Variants in LYPLAL1 observed in about 807,000 individuals in gnomAD.
LYPLAL1 encodes the protein lysophospholipase-like protein 1.
A neutral mutation model predicts 19.7 loss-of-function variants in LYPLAL1; 23 were observed. The observed-to-expected ratio is 1.17, with a 90% CI of 0.84 to 1.65. The LOEUF (loss-of-function observed/expected upper bound fraction) is 1.65. Ranked by LOEUF, LYPLAL1 falls within the 40% of genes most tolerant of loss-of-function variation. The pLI is 0.00. For missense variants in LYPLAL1, 355 were observed against 279.4 expected, an observed-to-expected ratio of 1.27 and a Z score of -1.93; for synonymous variants, 119 against 96.3, an observed-to-expected ratio of 1.24 and a Z score of -1.38.
the LYPLAL1 span, among the ~76,000 whole-genome samples, chr1:219,229,320 A>AGAGAGAGAGAGAGAGAGAGAGAG: frequency 6.7e-6 from 1 of 149,728 alleles, no homozygotes; most frequent in African/African-American, 2.5e-5. Flanking sequence ...AGAGAGAGAG[A>AGAGAGAGAGAGAGAGAGAGAGAG]GAGAGAGAGA....
the LYPLAL1 span, among the ~76,000 whole-genome samples, chr1:219,417,384 A>G: frequency 1.3e-5 from 2 of 152,316 alleles, no homozygotes; most frequent in African/African-American, 4.8e-5. Context: ...TAAAGCTGCA[A>G]ATAGTTTTTT....
chr1:219,414,910 G>T, the LYPLAL1 span, among the ~76,000 whole-genome samples: 1 of 152,152 alleles, frequency 6.6e-6, no homozygotes, highest in African/African-American at 2.4e-5. Context: ...AAACCAGGGG[G>T]ACCCAGAATT....
chr1:219,294,200 A>G, the LYPLAL1 span, among the ~76,000 whole-genome samples: 2 of 152,198 alleles, frequency 1.3e-5, no homozygotes, highest in African/African-American at 2.4e-5. Context: ...GAGAGGGCAA[A>G]CAAATAACAT....
the LYPLAL1 span, among the ~76,000 whole-genome samples, chr1:219,399,564 A>G: frequency 4.5e-3 from 680 of 152,272 alleles, 9 homozygotes; most frequent in African/African-American, 0.015. Context: ...GGGGCCCAGC[A>G]AAGCTGCAGT....
At chr1:219,252,849 G>C in the LYPLAL1 span, among the ~76,000 whole-genome samples, 1 of 152,066 alleles carries the variant, frequency 6.6e-6, no homozygotes, top group East Asian at 1.9e-4. Context: ...AACGGTTTCT[G>C]TAGGAAGGGT....
the LYPLAL1 span, among the ~76,000 whole-genome samples, chr1:219,360,758 A>G: frequency 6.6e-6 from 1 of 152,102 alleles, no homozygotes; most frequent in African/African-American, 2.4e-5. Context: ...ACCTCTTCCC[A>G]TGAAGGCATA....
chr1:219,369,352 A>G, the LYPLAL1 span, among the ~76,000 whole-genome samples: 2 of 152,160 alleles, frequency 1.3e-5, no homozygotes, highest in African/African-American at 4.8e-5. Context: ...GCTCACTGCA[A>G]CCTCCACCTC....
At chr1:219,401,921 C>A in the LYPLAL1 span, among the ~76,000 whole-genome samples, 2 of 152,220 alleles carry the variant, frequency 1.3e-5, no homozygotes, top group Non-Finnish European at 2.9e-5. Flanking sequence ...GACAAATGCC[C>A]AGGTTGGTCA....
the LYPLAL1 span, among the ~76,000 whole-genome samples, chr1:219,391,475 T>C: frequency 2.6e-5 from 4 of 152,212 alleles, no homozygotes; most frequent in African/African-American, 9.7e-5. Context: ...GAAGATTGTG[T>C]CTTCACACCT....
At chr1:219,324,992 A>G in the LYPLAL1 span, among the ~76,000 whole-genome samples, 575 of 152,324 alleles carry the variant, frequency 3.8e-3, 4 homozygotes, top group African/African-American at 0.013. Flanking sequence ...GTGTTCCCAA[A>G]TACACCAACC....
At chr1:219,390,718 C>A in the LYPLAL1 span, among the ~76,000 whole-genome samples, 3 of 152,100 alleles carry the variant, frequency 2.0e-5, no homozygotes, top group Non-Finnish European at 4.4e-5. Flanking sequence ...ACCATCTGGC[C>A]CTTTTCTTGA....
chr1:219,358,211 A>G, the LYPLAL1 span, among the ~76,000 whole-genome samples: 1 of 152,188 alleles, frequency 6.6e-6, no homozygotes, highest in Admixed American at 6.5e-5. Flanking sequence ...ATGCTACAAA[A>G]TCTTCTAACT....
the LYPLAL1 span, among the ~76,000 whole-genome samples, chr1:219,417,211 G>A: frequency 2.0e-5 from 3 of 151,248 alleles, no homozygotes; most frequent in Non-Finnish European, 4.4e-5. Context: ...GGAATTCATT[G>A]GTATAGGAAA....
the LYPLAL1 span, among the ~76,000 whole-genome samples, chr1:219,419,992 T>G: frequency 6.6e-6 from 1 of 152,342 alleles, no homozygotes; most frequent in African/African-American, 2.4e-5. Context: ...CAGGTCCCCT[T>G]GCTTGGGAAA....
the LYPLAL1 span, among the ~76,000 whole-genome samples, chr1:219,399,472 G>A: frequency 6.6e-6 from 1 of 152,186 alleles, no homozygotes; most frequent in African/African-American, 2.4e-5. Context: ...GCAGGTCAGG[G>A]TGCATCCAGT....
chr1:219,330,131 T>TA, the LYPLAL1 span, among the ~76,000 whole-genome samples: 7 of 152,130 alleles, frequency 4.6e-5, no homozygotes, highest in South Asian at 6.2e-4. Context: ...GACAAAGTCC[T>TA]AAAAAAAATT....
At chr1:219,215,451 G>A (rs776727433), downstream of LYPLAL1, among the ~76,000 whole-genome samples, 84 of 152,016 alleles carry the variant, frequency 5.5e-4, no homozygotes, top group Middle Eastern at 3.4e-3. Context: ...AATTTCTCAC[G>A]TGTCTTGTGC....
At chr1:219,313,529 C>CT in the LYPLAL1 span, among the ~76,000 whole-genome samples, 3,357 of 146,818 alleles carry the variant, frequency 0.023, 112 homozygotes, top group African/African-American at 0.076. Context: ...TTTAAAAAAA[C>CT]TTTTTTTTTT....
the LYPLAL1 span, among the ~76,000 whole-genome samples, chr1:219,335,605 T>TA: frequency 6.6e-6 from 1 of 151,256 alleles, no homozygotes; most frequent in Non-Finnish European, 1.5e-5. Flanking sequence ...TAAAATTTTT[T>TA]AAAAAACTGC....
Sources: allele counts gnomAD v4.1 joint callset (sites outside exome capture counted in the v4.1 genomes callset), GRCh38; gene constraint gnomAD v4.1.1; transcripts MANE v1.5; gene names NCBI Gene and HGNC (gene_info 2026-07-23, HGNC 2026-07-21).